The following SULF1 variants were observed in gnomAD, a reference collection of about 807,000 sequenced individuals.
SULF1 encodes the protein sulfatase 1, also known as extracellular sulfatase Sulf-1.
In SULF1, 46 loss-of-function variants were observed where a neutral mutation model predicts 110.5. The ratio of observed to expected loss-of-function variants is 0.42; its 90% CI spans 0.33 to 0.53. The LOEUF is 0.53. Among genes scored for constraint, SULF1 ranks in the 20% least tolerant of loss-of-function variants. SULF1 has a pLI of 0.12. For synonymous variants in SULF1, 371 were observed against 387.1 expected (o/e 0.96, Z 0.49); for missense variants, 941 against 1,094.2 (o/e 0.86, Z 1.98).
intron 6 of SULF1, among the ~76,000 whole-genome samples, chr8:69,583,992 A>G (rs1038111807): frequency 2.6e-5 from 4 of 152,192 alleles, no homozygotes; most frequent in African/African-American, 9.7e-5. Context: ...TTAGCTGGAG[A>G]GAGGGACGAT....
intron 1 of SULF1, among the ~76,000 whole-genome samples, chr8:69,472,943 C>T (rs1479960783): frequency 6.6e-6 from 1 of 152,070 alleles, no homozygotes; most frequent in African/African-American, 2.4e-5. Flanking sequence ...CTCAAGTGAT[C>T]CTCCTGCCTC....
At chr8:69,544,544 G>C (rs1814111652) in intron 3 of SULF1, among the ~76,000 whole-genome samples, 1 of 152,140 alleles carries the variant, frequency 6.6e-6, no homozygotes. Context: ...TGGGATTATA[G>C]GGGTGAGCCA....
At chr8:69,538,047 G>A (rs1489222318) in intron 3 of SULF1, among the ~76,000 whole-genome samples, 1 of 149,872 alleles carries the variant, frequency 6.7e-6, no homozygotes. Context: ...TGCAGGCTCC[G>A]CCCCCCGGGG....
intron 21 of SULF1, among the ~76,000 whole-genome samples, chr8:69,639,646 A>G (rs1811312913): frequency 6.6e-6 from 1 of 152,244 alleles, no homozygotes; most frequent in Non-Finnish European, 1.5e-5. Flanking sequence ...TGCCAACTCC[A>G]GAAGGGTGAA....
intron 22 of SULF1, among the ~76,000 whole-genome samples, chr8:69,653,939 G>A (rs1468296398): frequency 6.6e-6 from 1 of 152,168 alleles, no homozygotes; most frequent in Non-Finnish European, 1.5e-5. Flanking sequence ...AAAAGATATT[G>A]GCACATTCCT....
At chr8:69,603,474 A>G (rs963966785) in intron 11 of SULF1, 126 bp from the exon 12 acceptor site, 2 of 1,352,300 alleles carry the variant, frequency 1.5e-6, no homozygotes, top group African/African-American at 1.4e-5. Context: ...TGTGAATAGC[A>G]TATTGATGGA....
chr8:69,561,308 G>A (rs1229491323), intron 3 of SULF1, among the ~76,000 whole-genome samples: 1 of 151,936 alleles, frequency 6.6e-6, no homozygotes, highest in Non-Finnish European at 1.5e-5. Context: ...CACTGTGGCA[G>A]AAAAAAATGT....
chr8:69,606,923 G>C (rs977202673), intron 13 of SULF1, among the ~76,000 whole-genome samples: 2 of 152,180 alleles, frequency 1.3e-5, no homozygotes, highest in African/African-American at 4.8e-5. Context: ...AAAGAATTAG[G>C]CTATGCCCTG....
chr8:69,576,277 G>A (rs1805605375), intron 6 of SULF1, 68 bp downstream of exon 6: 2 of 1,523,106 alleles, frequency 1.3e-6, no homozygotes, highest in Admixed American at 4.1e-5. Flanking sequence ...GAAGTGTCAT[G>A]TAATGAAATG....
chr8:69,467,622 C>T (rs1472799144), intron 1 of SULF1, among the ~76,000 whole-genome samples: 1 of 152,176 alleles, frequency 6.6e-6, no homozygotes, highest in Non-Finnish European at 1.5e-5. Context: ...GCAGGGAAAG[C>T]AGATGGAGGT....
intron 7 of SULF1, 144 bp downstream of exon 7, chr8:69,586,652 C>A: frequency 2.0e-6 from 2 of 987,556 alleles, no homozygotes; most frequent in Admixed American, 2.8e-5. Flanking sequence ...TAATTTTAAA[C>A]TCTAGGCAAG....
intron 3 of SULF1, among the ~76,000 whole-genome samples, chr8:69,525,463 T>A (rs7017539): frequency 0.016 from 2,383 of 152,252 alleles, 58 homozygotes; most frequent in African/African-American, 0.053. Context: ...AGGTGGCTCA[T>A]TTTACAAATC....
chr8:69,517,590 G>T (rs1393133947), intron 3 of SULF1, among the ~76,000 whole-genome samples: 1 of 152,086 alleles, frequency 6.6e-6, no homozygotes, highest in African/African-American at 2.4e-5. Context: ...GGGGCAAAAT[G>T]AACATTAATA....
At chr8:69,589,997 C>G (rs1806775300) in intron 8 of SULF1, among the ~76,000 whole-genome samples, 1 of 152,140 alleles carries the variant, frequency 6.6e-6, no homozygotes, top group South Asian at 2.1e-4. Flanking sequence ...ATTGTGAAAC[C>G]TCCAAAATTG....
intron 12 of SULF1, among the ~76,000 whole-genome samples, chr8:69,604,179 C>A (rs973820659): frequency 6.6e-6 from 1 of 152,198 alleles, no homozygotes; most frequent in Admixed American, 6.5e-5. Context: ...AATAAATTCT[C>A]ATAAGCTTGG....
intron 1 of SULF1, among the ~76,000 whole-genome samples, chr8:69,484,825 C>CACTTCTTCTTCTTCTTCTTCTTCT (rs1554557583): frequency 2.0e-5 from 3 of 148,832 alleles, no homozygotes; most frequent in African/African-American, 7.5e-5. Context: ...TTTCATCTTC[C>CACTTCTTCTTCTTCTTCTTCTTCT]TCTTCTTCTT....
At chr8:69,631,204 G>T (rs538510962) in intron 19 of SULF1, among the ~76,000 whole-genome samples, 1 of 152,350 alleles carries the variant, frequency 6.6e-6, no homozygotes, top group South Asian at 2.1e-4. Context: ...AGGAGTGGAA[G>T]CTCCTTGAAA....
intron 12 of SULF1, among the ~76,000 whole-genome samples, 182 bp from the exon 13 acceptor site, chr8:69,604,621 T>G (rs1024361073): frequency 3.3e-5 from 5 of 152,146 alleles, no homozygotes; most frequent in Non-Finnish European, 5.9e-5. Context: ...CCTACCCAGT[T>G]TGTCATTTTC....
At chr8:69,538,939 C>CAA (rs1813664505) in intron 3 of SULF1, among the ~76,000 whole-genome samples, 1 of 152,200 alleles carries the variant, frequency 6.6e-6, no homozygotes, top group Admixed American at 6.5e-5. Flanking sequence ...GATCTGCCGG[C>CAA]TTCGGCCTCC....
Sources: allele counts gnomAD v4.1 joint callset (sites outside exome capture counted in the v4.1 genomes callset), GRCh38; gene constraint gnomAD v4.1.1; transcripts MANE v1.5; gene names NCBI Gene and HGNC (gene_info 2026-07-23, HGNC 2026-07-21).